PSMD1: variants seen among roughly 807,000 people sequenced by gnomAD.
The protein encoded by PSMD1 is 26S proteasome non-ATPase regulatory subunit 1.
Under a neutral mutation model 119.0 loss-of-function variants are expected in PSMD1, and 18 were observed. The observed-to-expected ratio is 0.15, with a 90% CI of 0.10 to 0.22. The LOEUF is 0.22. Ranked by LOEUF, PSMD1 falls within the 10% of genes least tolerant of loss-of-function variation. The pLI is 1.00. For missense variants in PSMD1, 702 were observed against 1,158.5 expected (o/e 0.61, Z 5.72); for synonymous variants, 374 against 396.6 (o/e 0.94, Z 0.68).
chr2:231,123,962 A>T (rs2125234097), intron 16 of PSMD1: 1 of 576,720 alleles, frequency 1.7e-6, no homozygotes, highest in East Asian at 3.0e-5. Context: ...TGTAGGTAAG[A>T]TATCCAAGTA....
At chr2:231,098,399 TTC>T (rs966158664) in intron 16 of PSMD1, among the ~76,000 whole-genome samples, 1 of 152,084 alleles carries the variant, frequency 6.6e-6, no homozygotes, top group African/African-American at 2.4e-5. Flanking sequence ...TGAGTTTCTG[TTC>T]TCTCTCTTTC....
chr2:231,118,409 G>A (rs1695417483), intron 16 of PSMD1, among the ~76,000 whole-genome samples: 2 of 152,054 alleles, frequency 1.3e-5, no homozygotes, highest in South Asian at 2.1e-4. Flanking sequence ...TGTACTTTCC[G>A]GGGGTGAGGG....
intron 20 of PSMD1, among the ~76,000 whole-genome samples, chr2:231,162,490 A>G (rs1041856390): frequency 7.2e-5 from 11 of 152,212 alleles, no homozygotes; most frequent in African/African-American, 2.7e-4. Context: ...TGGTTTCCCA[A>G]TCCCCAACTT....
At chr2:231,070,564 C>T (rs1174074568) in intron 6 of PSMD1, among the ~76,000 whole-genome samples, 2 of 152,016 alleles carry the variant, frequency 1.3e-5, no homozygotes, top group Admixed American at 1.3e-4. Context: ...TACCCATACA[C>T]ACCAAAACAT....
intron 7 of PSMD1, among the ~76,000 whole-genome samples, chr2:231,075,197 A>G (rs1694132142): frequency 6.6e-6 from 1 of 152,156 alleles, no homozygotes; most frequent in African/African-American, 2.4e-5. Context: ...TTTCAAGCCC[A>G]TTTTGTAGCT....
intron 16 of PSMD1, among the ~76,000 whole-genome samples, chr2:231,088,203 T>G (rs1200190226): frequency 3.3e-5 from 5 of 152,332 alleles, no homozygotes; most frequent in Admixed American, 3.3e-4. Context: ...AAGTGTGTAT[T>G]AATAATGGTA....
At chr2:231,145,936 CA>C (rs1206250114) in intron 17 of PSMD1, among the ~76,000 whole-genome samples, 1 of 134,410 alleles carries the variant, frequency 7.4e-6, no homozygotes, top group Non-Finnish European at 1.6e-5. Context: ...TACCATTGTA[CA>C]AAAATATTTT....
intron 19 of PSMD1, among the ~76,000 whole-genome samples, chr2:231,157,430 C>CTTTTTTTTTTTTTTTTTTTTTT (rs756874279): frequency 7.8e-6 from 1 of 128,892 alleles, no homozygotes. Context: ...TTTTCTTTTT[C>CTTTTTTTTTTTTTTTTTTTTTT]TTTTTTTTTT....
At position 231,070,108 on chromosome 2, in the gene PSMD1, A is replaced by G. The variant is rs1694007139; in HGVS notation, c.594A>G (p.Leu198=). The G allele has an allele frequency of 6.3e-7, 1 of 1,578,996 alleles. No individual in the cohort carries two copies. Among genetic ancestry groups the G allele is most frequent in the Non-Finnish European group, 8.6e-7 (1 of 1,166,928 alleles). ...ATAAACAGTTTCGGAATAAAGTACT[A>G]AGAGTTCTAGTTAAAATCTACATGA... The part of the protein sequence containing the change: ...MQNKQFRNKV[L]RVLVKIYMNL... The change falls in exon 6 of 25, where the codon CTA becomes CTG. Residue 198 remains leucine (L), a synonymous_variant. Transcript: ENST00000308696.
intron 16 of PSMD1, chr2:231,108,716 T>C: frequency 6.2e-7 from 1 of 1,614,162 alleles, no homozygotes; most frequent in Non-Finnish European, 8.5e-7. Context: ...ATTCCGGAAG[T>C]AGATCTTACT....
chr2:231,168,480 C>T (rs770773070), intron 23 of PSMD1, among the ~76,000 whole-genome samples: 38 of 152,218 alleles, frequency 2.5e-4, no homozygotes, highest in Non-Finnish European at 4.1e-4. Flanking sequence ...AAAGGAAAGA[C>T]TTACTGATAT....
chr2:231,077,290 G>A (rs1694191936), intron 9 of PSMD1, 128 bp downstream of exon 9: 1 of 796,086 alleles, frequency 1.3e-6, no homozygotes, highest in African/African-American at 1.8e-5. Flanking sequence ...AAGTATTTAA[G>A]TTTTGAAAAA....
At chr2:231,151,994 A>G (rs771132016) in intron 18 of PSMD1, among the ~76,000 whole-genome samples, 1 of 151,832 alleles carries the variant, frequency 6.6e-6, no homozygotes, top group African/African-American at 2.4e-5. Flanking sequence ...TTGTATTTTT[A>G]GTAGAGACAG....
chr2:231,127,686 G>T lies in PSMD1; in HGVS notation c.1884-11050G>T, dbSNP rs975064986. On this transcript the variant is annotated intron_variant, in intron 16 of 24. Coordinates refer to ENST00000308696, the MANE Select transcript of PSMD1 (RefSeq NM_002807.4). Reference sequence around the variant, plus strand: ...ACAACATTTTATGTGGCATAATGATGGATAGCACAGTGATGACTTCTGTGT... The same window carrying T: ...ACAACATTTTATGTGGCATAATGATTGATAGCACAGTGATGACTTCTGTGT... 3.3e-5 allele frequency among the ~76,000 whole-genome samples: 5 copies of T among 152,246 alleles called. No individual in the cohort carries two copies. In the East Asian group the frequency reaches 5.8e-4, roughly 18 times the overall value.
intron 19 of PSMD1, among the ~76,000 whole-genome samples, chr2:231,156,673 T>TA (rs1294145321): frequency 5.9e-5 from 9 of 152,260 alleles, no homozygotes; most frequent in African/African-American, 2.2e-4. Context: ...TTTTTCTTTT[T>TA]AAAAAACTTA....
rs1696633990 is a variant in PSMD1, at chr2:231,161,271, GTTA to G, written c.2219-63_2219-61del. ...AAAAAAAGAAAGAAAGAAAGATATC[GTTA>G]TTATTGTCCTACTATAATAATAGGA... On this transcript the variant is annotated intron_variant, in intron 19 of 24. Coordinates refer to ENST00000308696, the MANE Select transcript of PSMD1 (RefSeq NM_002807.4). The G allele has an allele frequency of 3.3e-6, 4 of 1,225,092 alleles. No homozygotes were observed. In the Admixed American group the frequency reaches 7.4e-5, roughly 23 times the overall value. The allele number at this position is 1,225,092 out of a possible 1,614,324, so 75.9% of individuals were successfully genotyped here.
At chr2:231,091,707 T>G (rs1293999567) in intron 16 of PSMD1, among the ~76,000 whole-genome samples, 1 of 152,122 alleles carries the variant, frequency 6.6e-6, no homozygotes, top group Non-Finnish European at 1.5e-5. Context: ...ATATGGCTGT[T>G]TGTTGGGCGT....
In PSMD1 at chr2:231,170,725, C is replaced by T. The variant is rs778807516; in HGVS notation, c.*9+4C>T. On this transcript the variant is annotated splice_donor_region_variant and intron_variant, in intron 24 of 24. Coordinates refer to ENST00000308696, the MANE Select transcript of PSMD1 (RefSeq NM_002807.4). This position sits in a 1 kb window ranked among gnomAD's most constrained non-coding sequence, Gnocchi z 4.1. ...TATTGATGATTAAGGGCCAGAGGTG[C>T]GTGTGCAACAAAATTATGAAGGGAA... 1.1e-5 allele frequency: 18 copies of T among 1,568,686 alleles called. No homozygotes were observed. The highest frequency in any genetic ancestry group is 1.7e-4 in the Middle Eastern group (1 of 5,806).
intron 22 of PSMD1, 39 bp downstream of exon 22, chr2:231,165,325 C>G: frequency 6.5e-7 from 1 of 1,531,666 alleles, no homozygotes; most frequent in Middle Eastern, 1.7e-4. Context: ...TGAAGTATCT[C>G]TGTCTCTGTC....
Sources: allele counts gnomAD v4.1 joint callset (sites outside exome capture counted in the v4.1 genomes callset), GRCh38; gene constraint gnomAD v4.1.1; non-coding constraint Gnocchi (gnomAD v3.1); transcripts MANE v1.5; gene names NCBI Gene and HGNC (gene_info 2026-07-23, HGNC 2026-07-21).